GRM5: variants seen among roughly 807,000 people sequenced by gnomAD.
GRM5 encodes the protein metabotropic glutamate receptor 5.
A neutral mutation model predicts 83.1 loss-of-function variants in GRM5; 19 were observed. That is an observed-to-expected ratio of 0.23 (90% confidence interval 0.16 to 0.34). GRM5 has a LOEUF of 0.34. Among genes scored for constraint, GRM5 ranks in the 10% least tolerant of loss-of-function variants. The probability of loss-of-function intolerance (pLI) is 1.00; values close to 1 mark genes in which losing one functional copy is unlikely to be tolerated. For synonymous variants in GRM5, 675 were observed against 633.6 expected (o/e 1.07, Z -0.98); for missense variants, 1,160 against 1,588.3 (o/e 0.73, Z 4.58).
intron 2 of GRM5, among the ~76,000 whole-genome samples, chr11:88,914,261 T>A (rs1375168389): frequency 6.6e-6 from 1 of 152,182 alleles, no homozygotes; most frequent in Non-Finnish European, 1.5e-5. Flanking sequence ...CTTTGAGACA[T>A]CATGCTTCCA....
At chr11:88,827,687 T>C (rs1463622564) in intron 3 of GRM5, among the ~76,000 whole-genome samples, 1 of 152,162 alleles carries the variant, frequency 6.6e-6, no homozygotes. Context: ...AAATCCTATC[T>C]GCTAAAATAT....
intron 4 of GRM5, among the ~76,000 whole-genome samples, chr11:88,613,660 T>TG (rs1349577029): frequency 4.6e-5 from 7 of 152,264 alleles, no homozygotes; most frequent in African/African-American, 1.7e-4. Flanking sequence ...GCCTTTTAAG[T>TG]GGGGACATTA....
intron 3 of GRM5, among the ~76,000 whole-genome samples, chr11:88,695,472 C>G (rs996098326): frequency 6.6e-6 from 1 of 152,172 alleles, no homozygotes; most frequent in South Asian, 2.1e-4. Flanking sequence ...CTTTGAATGG[C>G]CTCAGGTCAG....
At chr11:88,794,588 A>G (rs1369052359) in intron 3 of GRM5, among the ~76,000 whole-genome samples, 3 of 152,226 alleles carry the variant, frequency 2.0e-5, no homozygotes, top group African/African-American at 7.2e-5. Flanking sequence ...TTGACATGTT[A>G]GGAACATAAA....
intron 2 of GRM5, among the ~76,000 whole-genome samples, chr11:88,999,782 T>C (rs528845555): frequency 5.6e-4 from 85 of 152,194 alleles, no homozygotes; most frequent in Non-Finnish European, 1.0e-3. Flanking sequence ...TAAAGACACA[T>C]GCACATGTAT....
chr11:88,652,535 C>T (rs1329179355), intron 4 of GRM5, among the ~76,000 whole-genome samples: 3 of 151,970 alleles, frequency 2.0e-5, no homozygotes, highest in African/African-American at 2.4e-5. Context: ...GATAGTAAAC[C>T]TTTGAGGGCA....
At chr11:88,618,740 G>T (rs35034850) in intron 4 of GRM5, among the ~76,000 whole-genome samples, 18,254 of 152,180 alleles carry the variant, frequency 0.12, 1,455 homozygotes, top group Non-Finnish European at 0.18. Flanking sequence ...TTTATTCAAA[G>T]TTCTTTTCTT....
intron 4 of GRM5, among the ~76,000 whole-genome samples, chr11:88,646,342 T>G (rs945617579): frequency 1.2e-4 from 17 of 137,098 alleles, no homozygotes; most frequent in Admixed American, 5.3e-4. Flanking sequence ...GACTTATAAT[T>G]TAAGTTTTCC....
At chr11:89,023,467 T>A (rs543448174) in intron 2 of GRM5, among the ~76,000 whole-genome samples, 3 of 152,264 alleles carry the variant, frequency 2.0e-5, no homozygotes, top group Admixed American at 6.5e-5. Context: ...ATCACAAATC[T>A]AGTCCCAGAC....
chr11:88,973,341 T>C (rs1456743132), intron 2 of GRM5, among the ~76,000 whole-genome samples: 4 of 152,158 alleles, frequency 2.6e-5, no homozygotes, highest in African/African-American at 9.7e-5. Context: ...TGTTGTCATA[T>C]AACAAATAAG....
intron 2 of GRM5, among the ~76,000 whole-genome samples, chr11:88,903,572 A>C (rs528829304): frequency 6.6e-6 from 1 of 152,334 alleles, no homozygotes; most frequent in East Asian, 1.9e-4. Context: ...AGCCATTAAA[A>C]AGAACAAATC....
At chr11:89,050,869 C>T (rs564136117) in intron 1 of GRM5, among the ~76,000 whole-genome samples, 4 of 152,136 alleles carry the variant, frequency 2.6e-5, no homozygotes, top group Non-Finnish European at 5.9e-5. Flanking sequence ...AAACCAAATA[C>T]TGCAGGTTCT....
intron 3 of GRM5, among the ~76,000 whole-genome samples, chr11:88,764,843 A>T (rs1293220837): frequency 6.6e-6 from 1 of 151,582 alleles, no homozygotes; most frequent in African/African-American, 2.4e-5. Flanking sequence ...AATAATGAAG[A>T]TTAGAGCACA....
intron 2 of GRM5, among the ~76,000 whole-genome samples, chr11:88,909,978 T>G (rs1346119802): frequency 6.6e-6 from 1 of 152,044 alleles, no homozygotes; most frequent in Non-Finnish European, 1.5e-5. Context: ...TTCAGTGGCA[T>G]CATACATATT....
intron 2 of GRM5, among the ~76,000 whole-genome samples, chr11:88,973,081 C>T (rs900592311): frequency 2.6e-5 from 4 of 152,108 alleles, no homozygotes; most frequent in African/African-American, 7.2e-5. Flanking sequence ...ATGAATAAAA[C>T]CACTGATTAT....
At chr11:88,853,174 C>T (rs926223096) in intron 2 of GRM5, among the ~76,000 whole-genome samples, 7 of 152,092 alleles carry the variant, frequency 4.6e-5, no homozygotes, top group Non-Finnish European at 8.8e-5. Flanking sequence ...AATCATAGCC[C>T]AATGTCTTCA....
chr11:88,947,583 CAT>C, intron 2 of GRM5, among the ~76,000 whole-genome samples: 1 of 151,642 alleles, frequency 6.6e-6, no homozygotes, highest in Non-Finnish European at 1.5e-5. Context: ...CTGGTGAACT[CAT>C]TATTCAAACA....
intron 3 of GRM5, among the ~76,000 whole-genome samples, chr11:88,835,137 A>G (rs931100199): frequency 3.9e-5 from 6 of 152,338 alleles, no homozygotes; most frequent in Admixed American, 3.9e-4. Flanking sequence ...GAAAAGTTCC[A>G]GGGATATTTA....
At chr11:88,614,494 C>A (rs746225793) in intron 4 of GRM5, among the ~76,000 whole-genome samples, 1 of 152,092 alleles carries the variant, frequency 6.6e-6, no homozygotes. Context: ...GACTCTCAGG[C>A]AGTCACTATT....
Sources: allele counts gnomAD v4.1 joint callset (sites outside exome capture counted in the v4.1 genomes callset), GRCh38; gene constraint gnomAD v4.1.1; transcripts MANE v1.5; gene names NCBI Gene and HGNC (gene_info 2026-07-23, HGNC 2026-07-21).